WNT7B: variants seen among roughly 807,000 people sequenced by gnomAD.
WNT7B encodes Wnt family member 7B, also known as protein Wnt-7b.
In WNT7B, 19 loss-of-function variants were observed where a neutral mutation model predicts 38.2. That is an observed-to-expected ratio of 0.50 (90% CI 0.35 to 0.73). The LOEUF (loss-of-function observed/expected upper bound fraction) is 0.73. Ranked by LOEUF, WNT7B falls within the 30% of genes least tolerant of loss-of-function variation. The pLI is 0.01. For missense variants in WNT7B, 423 were observed against 507.9 expected, an observed-to-expected ratio of 0.83 and a Z score of 1.61; for synonymous variants, 243 against 209.3, an observed-to-expected ratio of 1.16 and a Z score of -1.39.
Position 45,966,294 on chromosome 22 carries a change from G to A in WNT7B, c.71+10390C>T, listed in dbSNP as rs770028672. Among the ~76,000 whole-genome samples, 9 of 152,338 alleles carry A rather than the reference G, an allele frequency of 5.9e-5. No homozygotes were observed. The highest frequency in any genetic ancestry group is 1.0e-4 in the Non-Finnish European group (7 of 68,032). Reference sequence around the variant, plus strand: ...GGGGCTTTGCCATCTGTCTCACCACGTGGGACTGCGCGGGCCTAAGTCTCA... The same window carrying A: ...GGGGCTTTGCCATCTGTCTCACCACATGGGACTGCGCGGGCCTAAGTCTCA... On this transcript the variant is annotated intron_variant, in intron 1 of 3. Coordinates refer to ENST00000339464, the MANE Select transcript of WNT7B (RefSeq NM_058238.3). The surrounding 1 kb of genome is among the most constrained non-coding windows in gnomAD (Gnocchi z 4.2).
chr22:45,954,166 C>T (rs887920577), intron 1 of WNT7B, among the ~76,000 whole-genome samples: 2 of 152,186 alleles, frequency 1.3e-5, no homozygotes, highest in East Asian at 3.8e-4. Flanking sequence ...CCCAAAACCA[C>T]GTACTGTGTG....
intron 1 of WNT7B, among the ~76,000 whole-genome samples, chr22:45,957,293 C>T (rs186741011): frequency 2.6e-4 from 39 of 152,142 alleles, no homozygotes; most frequent in Admixed American, 1.2e-3. Flanking sequence ...TAAGTTATAT[C>T]TCAGCATAAA....
At chr22:45,931,473 T>C (rs1030453717) in intron 2 of WNT7B, 104 bp from the exon 3 acceptor site, 16 of 1,349,924 alleles carry the variant, frequency 1.2e-5, no homozygotes, top group Non-Finnish European at 1.6e-5. Flanking sequence ...TGGCTGGTTG[T>C]GTGACCCTGG....
At chr22:45,964,734 GTGGC>G (rs1233912131) in intron 1 of WNT7B, among the ~76,000 whole-genome samples, 1 of 152,152 alleles carries the variant, frequency 6.6e-6, no homozygotes, top group African/African-American at 2.4e-5. Flanking sequence ...AGACCCACAA[GTGGC>G]CATCAGACTG....
intron 1 of WNT7B, among the ~76,000 whole-genome samples, chr22:45,955,651 C>T (rs554852612): frequency 2.4e-4 from 36 of 152,298 alleles, no homozygotes; most frequent in African/African-American, 7.0e-4. Flanking sequence ...ATTCTGCCCC[C>T]GGCTCATCCC....
chr22:45,936,533 G>A (rs914910795), intron 2 of WNT7B, among the ~76,000 whole-genome samples: 1 of 152,262 alleles, frequency 6.6e-6, no homozygotes, highest in African/African-American at 2.4e-5. Flanking sequence ...AGGCTGCTGG[G>A]TCAGAAATTG....
At chr22:45,964,371 G>A (rs1932264987) in intron 1 of WNT7B, among the ~76,000 whole-genome samples, 1 of 152,144 alleles carries the variant, frequency 6.6e-6, no homozygotes, top group African/African-American at 2.4e-5. Flanking sequence ...GAGCAGTGAT[G>A]GGGCCGAACA....
chr22:45,929,811 T>TCATCTATCTCC (rs1555907347), intron 3 of WNT7B, among the ~76,000 whole-genome samples: 2 of 88,404 alleles, frequency 2.3e-5, no homozygotes, highest in Non-Finnish European at 5.3e-5. Context: ...CATCTACCCA[T>TCATCTATCTCC]CCATCTATCT....
chr22:45,953,669 C>A (rs928196707), intron 1 of WNT7B, among the ~76,000 whole-genome samples: 2 of 144,386 alleles, frequency 1.4e-5, no homozygotes, highest in African/African-American at 5.1e-5. Flanking sequence ...TGGGGAAGGG[C>A]AAACCAAAAC....
At chr22:45,943,878 G>A (rs189204275) in intron 2 of WNT7B, among the ~76,000 whole-genome samples, 3 of 152,322 alleles carry the variant, frequency 2.0e-5, no homozygotes, top group African/African-American at 4.8e-5. Flanking sequence ...CTGTGCCCCT[G>A]TGAGGCCGAG....
At chr22:45,931,461 G>T (rs1019242024) in intron 2 of WNT7B, 92 bp from the exon 3 acceptor site, 9 of 1,394,582 alleles carry the variant, frequency 6.5e-6, no homozygotes, top group Non-Finnish European at 8.5e-6. Context: ...TCCACCTGCT[G>T]TTGGCTGGTT....
At chr22:45,968,195 CCTGT>C (rs1042995288) in intron 1 of WNT7B, among the ~76,000 whole-genome samples, 43 of 151,452 alleles carry the variant, frequency 2.8e-4, no homozygotes, top group African/African-American at 1.1e-3. Context: ...CCTTCAAAAC[CCTGT>C]CTGAGAGTCA....
intron 2 of WNT7B, among the ~76,000 whole-genome samples, chr22:45,940,430 C>T (rs1931617089): frequency 6.6e-6 from 1 of 152,142 alleles, no homozygotes; most frequent in Non-Finnish European, 1.5e-5. Context: ...GGACGCCACG[C>T]TTGCCTGTGC....
At chr22:45,964,548 G>T (rs537917635) in intron 1 of WNT7B, among the ~76,000 whole-genome samples, 1 of 152,122 alleles carries the variant, frequency 6.6e-6, no homozygotes, top group African/African-American at 2.4e-5. Context: ...ACACTTCCCC[G>T]TCAGTGGTGA....
At chr22:45,943,994 G>A (rs1212179486) in intron 2 of WNT7B, among the ~76,000 whole-genome samples, 2 of 152,170 alleles carry the variant, frequency 1.3e-5, no homozygotes, top group Non-Finnish European at 2.9e-5. Flanking sequence ...GGACCTCCAT[G>A]TCCCCATTCT....
chr22:45,928,037 C>G (rs952429284), intron 3 of WNT7B, among the ~76,000 whole-genome samples: 56 of 152,330 alleles, frequency 3.7e-4, no homozygotes, highest in African/African-American at 1.3e-3. Context: ...TCCTCCCCTG[C>G]TGCCTAGAGG....
At chr22:45,942,892 TGTGTGTGCGCGC>T (rs1429436985) in intron 2 of WNT7B, among the ~76,000 whole-genome samples, 1 of 150,534 alleles carries the variant, frequency 6.6e-6, no homozygotes, top group Non-Finnish European at 1.5e-5. Flanking sequence ...TGTATGTGCG[TGTGTGTGCGCGC>T]GTGTGTGCAG....
Position 45,931,437 on chromosome 22 carries a change from G to A in WNT7B, c.299-68C>T. On this transcript the variant is annotated intron_variant, in intron 2 of 3. Transcript: ENST00000339464. Reference sequence around the variant, plus strand: ...GGGCCAGGTGGGCTCAGGGGACAGGGTGCCGGGCCTCGATCCACCTGCTGT... The same window carrying A: ...GGGCCAGGTGGGCTCAGGGGACAGGATGCCGGGCCTCGATCCACCTGCTGT... The A allele has an allele frequency of 5.4e-6, 8 of 1,480,556 alleles. No individual in the cohort carries two copies. In the South Asian group the frequency reaches 9.4e-5, roughly 17 times the overall value. 91.7% of individuals were successfully genotyped at this position (1,480,556 alleles called of 1,614,324 possible).
At chr22:45,935,518 C>T (rs1302237600) in intron 2 of WNT7B, among the ~76,000 whole-genome samples, 1 of 152,196 alleles carries the variant, frequency 6.6e-6, no homozygotes, top group African/African-American at 2.4e-5. Context: ...CATATCCACA[C>T]ACTCCTCAGG....
Sources: allele counts gnomAD v4.1 joint callset (sites outside exome capture counted in the v4.1 genomes callset), GRCh38; gene constraint gnomAD v4.1.1; non-coding constraint Gnocchi (gnomAD v3.1); transcripts MANE v1.5; gene names NCBI Gene and HGNC (gene_info 2026-07-23, HGNC 2026-07-21).